Variants in SLC71A2 observed in about 807,000 individuals in gnomAD.
SLC71A2 encodes hippocampus abundant transcript-like 1.
the SLC71A2 span, among the ~76,000 whole-genome samples, chr9:94,411,253 A>G: frequency 1.4e-5 from 2 of 148,094 alleles, no homozygotes; most frequent in African/African-American, 5.0e-5. Context: ...CCCTACTGCA[A>G]CAAGGCCAAT....
At chr9:94,441,257 C>G in the SLC71A2 span, among the ~76,000 whole-genome samples, 1 of 152,152 alleles carries the variant, frequency 6.6e-6, no homozygotes, top group Non-Finnish European at 1.5e-5. Context: ...AATTGTCTCA[C>G]AGTTCTGCAG....
At chr9:94,416,180 T>A in the SLC71A2 span, among the ~76,000 whole-genome samples, 1 of 152,170 alleles carries the variant, frequency 6.6e-6, no homozygotes, top group East Asian at 1.9e-4. Flanking sequence ...TAAAATATTT[T>A]AAACTGGAGT....
At chr9:94,442,665 A>C in the SLC71A2 span, among the ~76,000 whole-genome samples, 2 of 146,360 alleles carry the variant, frequency 1.4e-5, no homozygotes, top group African/African-American at 5.1e-5. Flanking sequence ...ATCCTGGCCA[A>C]CATGGTGAAA....
At chr9:94,422,194 G>A in the SLC71A2 span, among the ~76,000 whole-genome samples, 1 of 152,272 alleles carries the variant, frequency 6.6e-6, no homozygotes, top group African/African-American at 2.4e-5. Context: ...ATTGCTGGAG[G>A]GATTAAATGC....
At chr9:94,399,960 C>T in the SLC71A2 span, among the ~76,000 whole-genome samples, 1 of 152,028 alleles carries the variant, frequency 6.6e-6, no homozygotes. Context: ...CGTGTGCCAC[C>T]ACGGTGGCCT....
At chr9:94,381,480 GAGT>G in the SLC71A2 span, among the ~76,000 whole-genome samples, 11 of 151,546 alleles carry the variant, frequency 7.3e-5, no homozygotes, top group African/African-American at 2.7e-4. Context: ...TTTAATTACT[GAGT>G]AGTAGTCCAT....
the SLC71A2 span, among the ~76,000 whole-genome samples, chr9:94,410,700 A>G: frequency 6.6e-6 from 1 of 152,372 alleles, no homozygotes; most frequent in Admixed American, 6.5e-5. Context: ...GCTCAGCTTC[A>G]TTGGGAGTAA....
chr9:94,458,324 G>A, the SLC71A2 span: 15 of 1,604,080 alleles, frequency 9.4e-6, no homozygotes, highest in Non-Finnish European at 1.3e-5. Flanking sequence ...TGATTTAGGA[G>A]TTGCCCAGGG....
the SLC71A2 span, among the ~76,000 whole-genome samples, chr9:94,384,347 T>TG: frequency 1.3e-5 from 2 of 151,532 alleles, no homozygotes; most frequent in Non-Finnish European, 2.9e-5. Context: ...TTTTTTTTTT[T>TG]TTTTTTGGAC....
the SLC71A2 span, among the ~76,000 whole-genome samples, chr9:94,413,646 C>T: frequency 6.9e-5 from 7 of 101,770 alleles, no homozygotes; most frequent in East Asian, 2.9e-4. Flanking sequence ...GGCAACAAAG[C>T]GAGACTTCAT....
chr9:94,387,404 G>A, the SLC71A2 span, among the ~76,000 whole-genome samples: 7 of 151,334 alleles, frequency 4.6e-5, no homozygotes, highest in African/African-American at 1.2e-4. Flanking sequence ...CTTCTTAATT[G>A]AGTGTGTCTC....
the SLC71A2 span, among the ~76,000 whole-genome samples, chr9:94,389,637 T>G: frequency 2.1e-4 from 31 of 146,390 alleles, no homozygotes; most frequent in African/African-American, 7.8e-4. Flanking sequence ...GACAAGGTCT[T>G]GCCCTGTTGC....
chr9:94,425,444 A>G, the SLC71A2 span, among the ~76,000 whole-genome samples: 3 of 152,254 alleles, frequency 2.0e-5, no homozygotes, highest in African/African-American at 7.2e-5. Flanking sequence ...AAAAAGGCTT[A>G]GACTAAGGCA....
the SLC71A2 span, among the ~76,000 whole-genome samples, chr9:94,375,435 CCT>C: frequency 4.6e-5 from 7 of 151,362 alleles, no homozygotes; most frequent in African/African-American, 1.5e-4. Flanking sequence ...GTTAGGCTGG[CCT>C]CTTTCTCCAG....
the SLC71A2 span, among the ~76,000 whole-genome samples, chr9:94,455,156 CTT>C: frequency 2.1e-3 from 58 of 27,676 alleles, no homozygotes; most frequent in South Asian, 0.086. Context: ...TTGCTCTTTC[CTT>C]TTTTTTTTTT....
chr9:94,381,216 A>G, the SLC71A2 span, among the ~76,000 whole-genome samples: 4 of 147,928 alleles, frequency 2.7e-5, no homozygotes, highest in Non-Finnish European at 6.0e-5. Flanking sequence ...TTGTATTTTT[A>G]GTAGAGACGG....
At chr9:94,382,387 C>T in the SLC71A2 span, among the ~76,000 whole-genome samples, 1 of 151,036 alleles carries the variant, frequency 6.6e-6, no homozygotes, top group Non-Finnish European at 1.5e-5. Context: ...TTGTCTTTTG[C>T]CTATTTTTTG....
the SLC71A2 span, among the ~76,000 whole-genome samples, chr9:94,452,648 CAT>C: frequency 5.5e-5 from 5 of 90,154 alleles, no homozygotes; most frequent in Admixed American, 4.3e-4. Flanking sequence ...TATATATATT[CAT>C]ATATATTCAT....
the SLC71A2 span, among the ~76,000 whole-genome samples, chr9:94,375,179 T>C: frequency 2.0e-5 from 3 of 152,000 alleles, no homozygotes; most frequent in African/African-American, 7.3e-5. Context: ...TAAGTAGTAA[T>C]TTGGTTATTT....
Sources: gnomAD v4.1 joint callset for allele counts (sites outside exome capture counted in the v4.1 genomes callset) on GRCh38, gnomAD v4.1.1 for gene constraint, MANE v1.5 for transcripts, NCBI Gene and HGNC (gene_info 2026-07-23, HGNC 2026-07-21) for gene names.